The following MCC variants were observed in gnomAD, a reference collection of about 807,000 sequenced individuals.
MCC encodes MCC regulator of Wnt signaling pathway.
A neutral mutation model predicts 116.2 loss-of-function variants in MCC; 90 were observed. The ratio of observed to expected loss-of-function variants is 0.77; its 90% confidence interval spans 0.65 to 0.92. The LOEUF (loss-of-function observed/expected upper bound fraction) is 0.92, where lower values mean the gene tolerates loss of function less well. Ranked by LOEUF, MCC falls within the 40% of genes least tolerant of loss-of-function variation. The pLI is 0.00. For synonymous variants in MCC, 578 were observed against 510.5 expected (o/e 1.13, Z -1.78); for missense variants, 1,516 against 1,312.2 (o/e 1.16, Z -2.40).
rs61549923 is a variant in MCC at position 113,157,510 on chromosome 5, TGCACCTCATGCTGCTGAG to T, written c.628-6106_628-6089del. 5.9e-3 allele frequency among the ~76,000 whole-genome samples: 900 copies of T among 152,316 alleles called. 10 individuals carry two copies. The highest frequency in any genetic ancestry group is 0.02 in the African/African-American group (815 of 41,570). On this transcript the variant is annotated intron_variant, in intron 3 of 18. Transcript: ENST00000408903. Reference sequence around the variant, plus strand: ...TCCCCACAGGCCCTATCTAGATACATGCACCTCATGCTGCTGAGGCACCTCATGGTGCTGAGGGCTGGG... The same window carrying T: ...TCCCCACAGGCCCTATCTAGATACATGCACCTCATGGTGCTGAGGGCTGGG...
chr5:113,275,970 G>GTTTT (rs34159294), intron 3 of MCC, among the ~76,000 whole-genome samples: 4 of 130,524 alleles, frequency 3.1e-5, no homozygotes, highest in South Asian at 5.4e-4. Flanking sequence ...CACTTGTTTT[G>GTTTT]TTTTTTTTTT....
At chr5:113,095,159 T>C (rs896740301) in intron 8 of MCC, among the ~76,000 whole-genome samples, 2 of 152,206 alleles carry the variant, frequency 1.3e-5, no homozygotes, top group African/African-American at 2.4e-5. Context: ...GGCCCCCATG[T>C]TGCTGTAACA....
chr5:113,203,981 T>C (rs2150320140), intron 3 of MCC, among the ~76,000 whole-genome samples: 1 of 152,338 alleles, frequency 6.6e-6, no homozygotes, highest in African/African-American at 2.4e-5. Flanking sequence ...GACGCCAAAC[T>C]GAGTACAGGC....
chr5:113,166,572 A>G (rs527400966), intron 3 of MCC, among the ~76,000 whole-genome samples: 14 of 152,242 alleles, frequency 9.2e-5, no homozygotes, highest in Non-Finnish European at 2.1e-4. Flanking sequence ...AAACAGGACT[A>G]TAAGATCCGA....
chr5:113,208,175 T>G (rs1482505850), intron 3 of MCC, among the ~76,000 whole-genome samples: 4 of 152,118 alleles, frequency 2.6e-5, no homozygotes, highest in Non-Finnish European at 5.9e-5. Flanking sequence ...AACTTTCTTT[T>G]GAAAATGGGT....
At position 113,459,304 on chromosome 5, in the gene MCC, G is replaced by A. The variant is rs190568987; in HGVS notation, c.170+28941C>T. On this transcript the variant is annotated intron_variant, in intron 1 of 18. Coordinates refer to ENST00000408903, the MANE Select transcript of MCC (RefSeq NM_001085377.2). ...ATCCCAGCACTTTGGGAGGGAGGCC[G>A]AGGCGGGTGGATCACGAGGTCAGGA... is the stretch of plus-strand genomic sequence containing the variant. 1.6e-4 allele frequency among the ~76,000 whole-genome samples: 25 copies of A among 152,060 alleles called. No individual in the cohort carries two copies. In the East Asian group the frequency reaches 2.9e-3, roughly 18 times the overall value.
chr5:113,459,262 G>A (rs566601698), intron 1 of MCC, among the ~76,000 whole-genome samples: 31 of 151,656 alleles, frequency 2.0e-4, no homozygotes, highest in African/African-American at 4.4e-4. Flanking sequence ...GGCCAGGTGC[G>A]GTGGCTCACA....
intron 17 of MCC, among the ~76,000 whole-genome samples, chr5:113,043,091 G>T (rs1751832346): frequency 6.6e-6 from 1 of 152,004 alleles, no homozygotes. Flanking sequence ...GGCGGTGAGG[G>T]GAAAGAAACA....
intron 11 of MCC, 123 bp downstream of exon 11, chr5:113,082,726 TCCATCCCCACC>T: frequency 9.2e-7 from 1 of 1,081,262 alleles, no homozygotes; most frequent in Non-Finnish European, 1.3e-6. Context: ...GGTAGGAACT[TCCATCCCCACC>T]AGCCTGACGG....
At chr5:113,384,593 C>A (rs982974268) in intron 2 of MCC, among the ~76,000 whole-genome samples, 9 of 152,054 alleles carry the variant, frequency 5.9e-5, no homozygotes, top group Non-Finnish European at 1.2e-4. Flanking sequence ...GTCCCCCGCC[C>A]CCCAAAAAAA....
At chr5:113,388,830 A>G (rs1769334878) in intron 1 of MCC, among the ~76,000 whole-genome samples, 1 of 152,212 alleles carries the variant, frequency 6.6e-6, no homozygotes, top group Admixed American at 6.5e-5. Context: ...CAGTTGAAAG[A>G]GTCAGAGACA....
intron 1 of MCC, among the ~76,000 whole-genome samples, chr5:113,437,595 T>C (rs1032945256): frequency 3.9e-5 from 6 of 152,176 alleles, no homozygotes; most frequent in African/African-American, 1.2e-4. Context: ...CACTCACACA[T>C]AGACATACAA....
At chr5:113,453,077 A>T (rs1580395144) in intron 1 of MCC, among the ~76,000 whole-genome samples, 3 of 152,364 alleles carry the variant, frequency 2.0e-5, no homozygotes, top group Admixed American at 2.0e-4. Flanking sequence ...ACCACTTGTC[A>T]GCAGAAATCA....
rs1377657056 is a variant in MCC, at chr5:113,163,966, T to C, written c.628-12544A>G. ...CAGATGATTTTCTTTCTCAGGTTTA[T>C]TGTATTTTTTCTATAATAAACATAT... is the stretch of plus-strand genomic sequence containing the variant. On this transcript the variant is annotated intron_variant, in intron 3 of 18. Transcript: ENST00000408903. 9.9e-5 allele frequency among the ~76,000 whole-genome samples: 15 copies of C among 152,244 alleles called. 1 individual carries two copies. Among genetic ancestry groups the C allele is most frequent in the Admixed American group, 7.9e-4 (12 of 15,286 alleles).
chr5:113,048,250 G>T (rs188928138), intron 16 of MCC, among the ~76,000 whole-genome samples: 4 of 152,124 alleles, frequency 2.6e-5, no homozygotes, highest in Non-Finnish European at 5.9e-5. Context: ...CTGTGGTTTC[G>T]GTTCCTCAAG....
chr5:113,209,992 G>A (rs1464074321), intron 3 of MCC, among the ~76,000 whole-genome samples: 3 of 152,168 alleles, frequency 2.0e-5, no homozygotes, highest in African/African-American at 7.2e-5. Context: ...GATAAGATTG[G>A]TATGATATGG....
chr5:113,304,335 C>T (rs1157759023), intron 3 of MCC, among the ~76,000 whole-genome samples: 4 of 152,190 alleles, frequency 2.6e-5, no homozygotes, highest in African/African-American at 9.6e-5. Context: ...CAGATTACAT[C>T]TCACATACAG....
Position 113,434,580 on chromosome 5 carries a change from T to C in MCC, c.171-49368A>G, listed in dbSNP as rs775305117. On this transcript the variant is annotated intron_variant, in intron 1 of 18. Transcript: ENST00000408903. The surrounding 1 kb of genome is among the most constrained non-coding windows in gnomAD (Gnocchi z 4.2). ...CTGGACCGCGAGCTCCATGACGATGTAGACCTTGCCATGTGATGTCTCAAA... is the reference window on the plus strand; with the variant it reads ...CTGGACCGCGAGCTCCATGACGATGCAGACCTTGCCATGTGATGTCTCAAA... 6.2e-7 allele frequency: 1 copy of C among 1,613,892 alleles called. No homozygotes were observed. Among genetic ancestry groups the C allele is most frequent in the Admixed American group, 1.7e-5 (1 of 59,992 alleles).
At chr5:113,278,966 G>C (rs1176560958) in intron 3 of MCC, among the ~76,000 whole-genome samples, 2 of 152,132 alleles carry the variant, frequency 1.3e-5, no homozygotes, top group Non-Finnish European at 2.9e-5. Context: ...TAACATGTTA[G>C]AGTATTTTTA....
Sources: gnomAD v4.1 joint callset for allele counts (sites outside exome capture counted in the v4.1 genomes callset) on GRCh38, gnomAD v4.1.1 for gene constraint, Gnocchi (gnomAD v3.1) non-coding constraint, MANE v1.5 for transcripts, NCBI Gene and HGNC (gene_info 2026-07-23, HGNC 2026-07-21) for gene names.